The following TDRD12 variants were observed in gnomAD, a reference collection of about 807,000 sequenced individuals.
The protein encoded by TDRD12 is tudor domain containing 12.
Under a neutral mutation model 133.5 loss-of-function variants are expected in TDRD12, and 158 were observed. The observed-to-expected ratio is 1.18, with a 90% confidence interval of 1.04 to 1.35. The LOEUF (loss-of-function observed/expected upper bound fraction) is 1.35, where lower values mean the gene tolerates loss of function less well. Among genes scored for constraint, TDRD12 ranks in the 40% most tolerant of loss-of-function variants. TDRD12 has a pLI of 0.00. For synonymous variants in TDRD12, 460 were observed against 477.9 expected (o/e 0.96, Z 0.49); for missense variants, 1,443 against 1,321.3 (o/e 1.09, Z -1.43).
chr19:32,757,070 C>T (rs1230024661), exon 8 of TDRD12: 2 of 1,551,854 alleles, frequency 1.3e-6, no homozygotes, highest in Non-Finnish European at 1.7e-6. Flanking sequence ...GGCACAATCT[C>T]TGCAACATAC....
At chr19:32,719,767 C>T (rs1378607530) in exon 1 of TDRD12, 1 of 507,930 alleles carries the variant, frequency 2.0e-6, no homozygotes, top group African/African-American at 2.0e-5. Flanking sequence ...GCCTCAAGGC[C>T]TGCTCAGCGT....
downstream of TDRD12, among the ~76,000 whole-genome samples, chr19:32,821,843 A>C (rs1485474322): frequency 6.6e-6 from 1 of 152,234 alleles, no homozygotes; most frequent in Admixed American, 6.5e-5. Flanking sequence ...ACAGCGCCTC[A>C]GCAAAGAGGA....
intron 8 of TDRD12, among the ~76,000 whole-genome samples, chr19:32,761,946 C>T (rs182400424): frequency 6.9e-4 from 105 of 152,214 alleles, no homozygotes; most frequent in Non-Finnish European, 1.0e-3. Context: ...TCAAATGATC[C>T]GACTGCCTCG....
chr19:32,732,863 A>G (rs1019084856), intron 2 of TDRD12, among the ~76,000 whole-genome samples: 2 of 152,204 alleles, frequency 1.3e-5, no homozygotes, highest in African/African-American at 4.8e-5. Flanking sequence ...AACCAGGTCA[A>G]TTGTTTTTAA....
chr19:32,796,981 CTTTT>C (rs1157185010), intron 14 of TDRD12, among the ~76,000 whole-genome samples: 4 of 135,286 alleles, frequency 3.0e-5, no homozygotes, highest in Admixed American at 7.5e-5. Flanking sequence ...AGAGGTTCGT[CTTTT>C]TTTTTTTTTT....
At chr19:32,724,345 G>A (rs935192858) in intron 1 of TDRD12, among the ~76,000 whole-genome samples, 4 of 152,086 alleles carry the variant, frequency 2.6e-5, no homozygotes, top group South Asian at 2.1e-4. Context: ...ATTAAGCCCC[G>A]CATGTATTAG....
intron 3 of TDRD12, among the ~76,000 whole-genome samples, chr19:32,740,400 A>G (rs867516471): frequency 2.9e-3 from 181 of 61,768 alleles, no homozygotes; most frequent in Admixed American, 9.4e-3. Flanking sequence ...TCTCCTGGGT[A>G]CTCTCTGCAT....
chr19:32,765,577 G>A (rs1333399138), intron 8 of TDRD12, among the ~76,000 whole-genome samples: 1 of 152,054 alleles, frequency 6.6e-6, no homozygotes, highest in Non-Finnish European at 1.5e-5. Flanking sequence ...GATGAGTTCA[G>A]GTGCTTTGTA....
At chr19:32,762,570 G>A (rs1171447214) in intron 8 of TDRD12, among the ~76,000 whole-genome samples, 1 of 152,178 alleles carries the variant, frequency 6.6e-6, no homozygotes, top group African/African-American at 2.4e-5. Flanking sequence ...TTAAAGTCAT[G>A]GCAGGTTATT....
At chr19:32,723,351 T>C (rs1200603528) in intron 1 of TDRD12, among the ~76,000 whole-genome samples, 5 of 151,596 alleles carry the variant, frequency 3.3e-5, no homozygotes, top group South Asian at 2.1e-4. Flanking sequence ...CCCGGGTTCA[T>C]GCCATTCTCC....
intron 6 of TDRD12, among the ~76,000 whole-genome samples, chr19:32,754,826 C>A (rs547081104): frequency 1.3e-5 from 2 of 152,060 alleles, no homozygotes; most frequent in African/African-American, 4.8e-5. Flanking sequence ...TATAGGCATG[C>A]GCCACCACGC....
At chr19:32,803,177 T>C in intron 21 of TDRD12, 35 bp downstream of exon 21, 1 of 1,388,060 alleles carries the variant, frequency 7.2e-7, no homozygotes, top group Non-Finnish European at 9.6e-7. Flanking sequence ...TAAACTGATG[T>C]ATAACCTGCA....
exon 20 of TDRD12, chr19:32,802,755 T>C (rs1452477628): frequency 6.5e-7 from 1 of 1,536,712 alleles, no homozygotes; most frequent in South Asian, 1.2e-5. Flanking sequence ...GGTGGACGCC[T>C]GTATTGCATG....
At chr19:32,780,447 C>T (rs181543484) in intron 11 of TDRD12, among the ~76,000 whole-genome samples, 14 of 152,302 alleles carry the variant, frequency 9.2e-5, no homozygotes, top group Non-Finnish European at 1.5e-4. Flanking sequence ...CAATGCATGT[C>T]GAAGCCTGGA....
chr19:32,826,702 A>T, intron 9 of TDRD12: 1 of 1,232,356 alleles, frequency 8.1e-7, no homozygotes, highest in Non-Finnish European at 1.0e-6. Context: ...GTGGCTTTTG[A>T]TTTTGATCAC....
intron 19 of TDRD12, 84 bp downstream of exon 19, chr19:32,801,957 C>G (rs1340317125): frequency 8.4e-6 from 4 of 475,164 alleles, no homozygotes; most frequent in Non-Finnish European, 1.4e-5. Context: ...TATCTCATCT[C>G]CAGATTTCTC....
intron 1 of TDRD12, among the ~76,000 whole-genome samples, chr19:32,723,831 A>G (rs1363126179): frequency 6.6e-6 from 1 of 152,120 alleles, no homozygotes; most frequent in African/African-American, 2.4e-5. Flanking sequence ...TTTAAGATTT[A>G]GACCTTTAAG....
exon 3 of TDRD12, chr19:32,738,929 A>G (rs1004996786): frequency 6.4e-7 from 1 of 1,551,318 alleles, no homozygotes; most frequent in East Asian, 2.4e-5. Flanking sequence ...TCTTCCGCAG[A>G]CCAGTACCTG....
intron 26 of TDRD12, among the ~76,000 whole-genome samples, chr19:32,817,864 C>A (rs1967235021): frequency 6.7e-6 from 1 of 148,770 alleles, no homozygotes; most frequent in Non-Finnish European, 1.5e-5. Flanking sequence ...TGCTTTTGAA[C>A]ATCCTAATTC....
Sources: gnomAD v4.1 joint callset for allele counts (sites outside exome capture counted in the v4.1 genomes callset) on GRCh38, gnomAD v4.1.1 for gene constraint, MANE v1.5 for transcripts, NCBI Gene and HGNC (gene_info 2026-07-23, HGNC 2026-07-21) for gene names.